The following ABCF2 variants were observed in gnomAD, a reference collection of about 807,000 sequenced individuals.
The protein encoded by ABCF2 is ATP-binding cassette sub-family F member 2.
Under a neutral mutation model 76.9 loss-of-function variants are expected in ABCF2, and 37 were observed. That is an observed-to-expected ratio of 0.48 (90% CI 0.37 to 0.63). The LOEUF (loss-of-function observed/expected upper bound fraction) is 0.63, where lower values mean the gene tolerates loss of function less well. Among genes scored for constraint, ABCF2 ranks in the 30% least tolerant of loss-of-function variants. The pLI, the probability that ABCF2 is intolerant of heterozygous loss-of-function variation, is 0.00. For missense variants in ABCF2, 524 were observed against 782.1 expected, an observed-to-expected ratio of 0.67 and a Z score of 3.94; for synonymous variants, 299 against 283.7, an observed-to-expected ratio of 1.05 and a Z score of -0.54.
At chr7:151,218,292 G>A (rs1802193103) in intron 10 of ABCF2, 101 bp from the exon 11 acceptor site, 10 of 886,170 alleles carry the variant, frequency 1.1e-5, no homozygotes, top group Admixed American at 6.1e-5. Context: ...AAGAGAGGAG[G>A]AAGGGAGAGT....
rs1802067092 is a variant in ABCF2 at position 151,212,510 on chromosome 7, A to AT, written c.*1543dup. 1.0e-6 allele frequency: 1 copy of AT among 984,704 alleles called. No individual in the cohort carries two copies. Among genetic ancestry groups the AT allele is most frequent in the Admixed American group, 6.2e-5 (1 of 16,256 alleles). The allele number at this position is 984,704 out of a possible 1,614,324, so 61.0% of individuals were successfully genotyped here. A position where few individuals can be genotyped will look rare whatever the true frequency, so the allele number is the denominator to read the frequency against. ...GATGCTCAGCAATCTGAATTTTTTT[A>AT]TTTTTTTGAGACAGTGTCTCGGTCT... is the stretch of plus-strand genomic sequence containing the variant. On this transcript the variant is annotated 3_prime_UTR_variant, in exon 15 of 15. Transcript: ENST00000287844.
In ABCF2 at chr7:151,214,323, T is replaced by G; in HGVS notation, c.1735-132A>C. 1 of 1,341,474 alleles carries G rather than the reference T, an allele frequency of 7.5e-7. No individual in the cohort carries two copies. The highest frequency in any genetic ancestry group is 1.0e-6 in the Non-Finnish European group (1 of 964,336). 83.1% of individuals were successfully genotyped at this position (1,341,474 alleles called of 1,614,324 possible). On this transcript the variant is annotated intron_variant, in intron 14 of 14. Transcript: ENST00000287844. This position sits in a 1 kb window ranked among gnomAD's most constrained non-coding sequence, Gnocchi z 4.9. The stretch of plus-strand genomic sequence containing the variant: ...CATATCCAACTCACTGTCTCACTAC[T>G]TCTAAGTTATTTGGGATGTTCTAAC...
intron 9 of ABCF2, 31 bp downstream of exon 9, chr7:151,218,723 C>A: frequency 6.2e-7 from 1 of 1,611,912 alleles, no homozygotes; most frequent in Non-Finnish European, 8.5e-7. Context: ...CCCAACCCCA[C>A]CCAATCACAC....
chr7:151,218,459 G>T (rs13227935), intron 10 of ABCF2, 102 bp downstream of exon 10: 14 of 1,055,424 alleles, frequency 1.3e-5, no homozygotes, highest in African/African-American at 3.2e-5. Flanking sequence ...CCCAGAGCAC[G>T]TGGGCTAGCA....
Position 151,215,915 on chromosome 7 carries a change from G to A in ABCF2, c.1401+52C>T. On this transcript the variant is annotated intron_variant, in intron 12 of 14. Coordinates refer to ENST00000287844, the MANE Select transcript of ABCF2 (RefSeq NM_007189.3). The surrounding 1 kb of genome is among the most constrained non-coding windows in gnomAD (Gnocchi z 4.6). ...GCTGGCTGGAACTCAGCCAGATACA[G>A]CCCCTCCCTATACCCTGGGCAATTC... 6.2e-7 allele frequency: 1 copy of A among 1,601,016 alleles called. No homozygotes were observed. The highest frequency in any genetic ancestry group is 1.1e-5 in the South Asian group (1 of 90,486).
chr7:151,213,946 T>C lies in ABCF2; in HGVS notation c.*108A>G, dbSNP rs951332198. 5 of 1,530,360 alleles carry C rather than the reference T, an allele frequency of 3.3e-6. No individual in the cohort carries two copies. In the African/African-American group the frequency reaches 6.9e-5, roughly 21 times the overall value. The allele number at this position is 1,530,360 out of a possible 1,614,324, so 94.8% of individuals were successfully genotyped here. ...CAGGGGAGAGGCTGGGGGAGCAGTA[T>C]TGCAGCAATGCAGGAGTGTAGCCCC... On this transcript the variant is annotated 3_prime_UTR_variant, in exon 15 of 15. Coordinates refer to ENST00000287844, the MANE Select transcript of ABCF2 (RefSeq NM_007189.3).
chr7:151,225,803 CAG>C (rs1398395733), intron 2 of ABCF2, among the ~76,000 whole-genome samples: 1 of 152,182 alleles, frequency 6.6e-6, no homozygotes, highest in Non-Finnish European at 1.5e-5. Context: ...GGTAGTGCCT[CAG>C]TGTATAGCAC....
In ABCF2 at chr7:151,215,160, CCT is replaced by C. The variant is rs1802125491; in HGVS notation, c.1531-80_1531-79del. 3 of 1,318,842 alleles carry C rather than the reference CCT, an allele frequency of 2.3e-6. No individual in the cohort carries two copies. The highest frequency in any genetic ancestry group is 2.5e-5 in the East Asian group (1 of 39,826). The allele number at this position is 1,318,842 out of a possible 1,614,324, so 81.7% of individuals were successfully genotyped here. Reference sequence around the variant, plus strand: ...ACAGCTCATCTCTCCCTCATTTCTCCCTGACTCCTCCATTAGCATCGCCATTT... The same window carrying C: ...ACAGCTCATCTCTCCCTCATTTCTCCGACTCCTCCATTAGCATCGCCATTT... On this transcript the variant is annotated intron_variant, in intron 13 of 14. Coordinates refer to ENST00000287844, the MANE Select transcript of ABCF2 (RefSeq NM_007189.3). The surrounding 1 kb of genome is among the most constrained non-coding windows in gnomAD (Gnocchi z 4.6).
Position 151,222,594 on chromosome 7 carries a change from T to C in ABCF2, c.745A>G (p.Met249Val), listed in dbSNP as rs150031932. 1.9e-6 allele frequency: 3 copies of C among 1,613,482 alleles called. No homozygotes were observed. In the African/African-American group the frequency reaches 4.0e-5, roughly 22 times the overall value. ...TTGGTAGGCTCATCCAGGAGCAGCATGAAGGGCCGAATAAAGAGGGCTCTG... is the reference window on the plus strand; with the variant it reads ...TTGGTAGGCTCATCCAGGAGCAGCACGAAGGGCCGAATAAAGAGGGCTCTG... ...LARALFIRPF[M>V]LLLDEPTNHL... is the part of the protein sequence containing the mutation. The change falls in exon 6 of 15, where the codon ATG (methionine) becomes GTG (valine). Residue 249 changes from methionine to valine, a missense_variant. Transcript: ENST00000287844.
At position 151,213,388 on chromosome 7, in the gene ABCF2, TG is replaced by T; in HGVS notation, c.*665del. ...AGGGACAAAGTTCTTCCAGCTCCTA[TG>T]GACTAGTCTTCAGTTCCCATCGACA... is the stretch of plus-strand genomic sequence containing the variant. On this transcript the variant is annotated 3_prime_UTR_variant, in exon 15 of 15. Coordinates refer to ENST00000287844, the MANE Select transcript of ABCF2 (RefSeq NM_007189.3). The T allele has an allele frequency of 1.0e-6, 1 of 985,370 alleles. No individual in the cohort carries two copies. The highest frequency in any genetic ancestry group is 1.2e-6 in the Non-Finnish European group (1 of 829,906). 61.0% of individuals were successfully genotyped at this position (985,370 alleles called of 1,614,324 possible).
intron 10 of ABCF2, 76 bp downstream of exon 10, chr7:151,218,485 G>C: frequency 1.5e-6 from 2 of 1,332,252 alleles, no homozygotes; most frequent in South Asian, 2.5e-5. Flanking sequence ...GGTCAGCACA[G>C]AACAGGAGCA....
At chr7:151,221,973 A>C (rs779953033) in intron 6 of ABCF2, 1 of 322,566 alleles carries the variant, frequency 3.1e-6, no homozygotes. Flanking sequence ...GTGTATGTAC[A>C]CAAATACACC....
Position 151,211,674 on chromosome 7 carries a change from A to C in ABCF2, c.*2380T>G. On this transcript the variant is annotated 3_prime_UTR_variant, in exon 15 of 15. Transcript: ENST00000287844. ...TCTTAGCAATATCCAGCACTTCCTT[A>C]AGTATCAAGGGCTCTGTCCCTCACT... 1 of 985,282 alleles carries C rather than the reference A, an allele frequency of 1.0e-6. No individual in the cohort carries two copies. The highest frequency in any genetic ancestry group is 1.2e-6 in the Non-Finnish European group (1 of 829,908). The allele number at this position is 985,282 out of a possible 1,614,324, so 61.0% of individuals were successfully genotyped here. A position where few individuals can be genotyped will look rare whatever the true frequency, so the allele number is the denominator to read the frequency against.
At chr7:151,216,962 C>T (rs1215958592) in intron 11 of ABCF2, among the ~76,000 whole-genome samples, 1 of 152,108 alleles carries the variant, frequency 6.6e-6, no homozygotes, top group African/African-American at 2.4e-5. Flanking sequence ...GTGGGTTAAA[C>T]CAAGGAATAA....
rs1334863640 is a variant in ABCF2 at position 151,224,121 on chromosome 7, G to A, written c.368-7C>T. On this transcript the variant is annotated splice_region_variant and splice_polypyrimidine_tract_variant and intron_variant, in intron 3 of 14. Transcript: ENST00000287844. The stretch of plus-strand genomic sequence containing the variant: ...GAGAGCAGCATGGACTTTCCTGAGA[G>A]GGGAGAGCAGCAGACGCTTGGTACA... The A allele has an allele frequency of 3.1e-6, 5 of 1,614,092 alleles. No homozygotes were observed. In the South Asian group the frequency reaches 5.5e-5, roughly 18 times the overall value.
chr7:151,211,906 G>A lies in ABCF2; in HGVS notation c.*2148C>T, dbSNP rs1802051820. ...GGGAGGCTCCTGTCCCTGTTGCCCA[G>A]GGCAGCTCCTGGACTTTGTGGCCAT... is the stretch of plus-strand genomic sequence containing the variant. On this transcript the variant is annotated 3_prime_UTR_variant, in exon 15 of 15. Transcript: ENST00000287844. 1 of 985,272 alleles carries A rather than the reference G, an allele frequency of 1.0e-6. No homozygotes were observed. Among genetic ancestry groups the A allele is most frequent in the Non-Finnish European group, 1.2e-6 (1 of 829,938 alleles). 61.0% of individuals were successfully genotyped at this position (985,272 alleles called of 1,614,324 possible).
rs1802271522 is a variant in ABCF2, at chr7:151,221,681, C to T, written c.819-1G>A. 6.2e-7 allele frequency: 1 copy of T among 1,604,948 alleles called. No individual in the cohort carries two copies. Among genetic ancestry groups the T allele is most frequent in the African/African-American group, 1.3e-5 (1 of 74,670 alleles). On this transcript the variant is annotated splice_acceptor_variant, in intron 6 of 14. Transcript: ENST00000287844. LOFTEE classifies it high-confidence loss of function. ...GACGAGGACCAAGATGCGCTTAAAACTGTAAAGCCAAAGAACCAATTAGTG... is the reference window on the plus strand; with the variant it reads ...GACGAGGACCAAGATGCGCTTAAAATTGTAAAGCCAAAGAACCAATTAGTG...
chr7:151,226,261 T>G (rs1459588999), intron 2 of ABCF2, 44 bp downstream of exon 2: 1 of 1,594,016 alleles, frequency 6.3e-7, no homozygotes, highest in Admixed American at 1.7e-5. Context: ...GGGCATGCAT[T>G]AAGTCTTAGC....
intron 7 of ABCF2, 63 bp downstream of exon 7, chr7:151,221,515 T>TTTA: frequency 9.2e-7 from 1 of 1,083,916 alleles, no homozygotes; most frequent in Non-Finnish European, 1.3e-6. Flanking sequence ...TTTTTTTTTT[T>TTTA]AAAGAGAATT....
Sources: allele counts gnomAD v4.1 joint callset (sites outside exome capture counted in the v4.1 genomes callset), GRCh38; gene constraint gnomAD v4.1.1; non-coding constraint Gnocchi (gnomAD v3.1); transcripts MANE v1.5; gene names NCBI Gene and HGNC (gene_info 2026-07-23, HGNC 2026-07-21).